Variants in SYCP2 observed in about 807,000 individuals in gnomAD.
SYCP2 encodes the protein synaptonemal complex protein 2.
In SYCP2, 55 loss-of-function variants were observed where a neutral mutation model predicts 211.3. The observed-to-expected ratio is 0.26, with a 90% confidence interval of 0.21 to 0.33. The LOEUF (loss-of-function observed/expected upper bound fraction) is 0.33. Among genes scored for constraint, SYCP2 ranks in the 10% least tolerant of loss-of-function variants. The pLI is 1.00. For synonymous variants in SYCP2, 570 were observed against 555.2 expected (o/e 1.03, Z -0.37); for missense variants, 1,731 against 1,752.0 (o/e 0.99, Z 0.21).
chr20:59,921,377 A>G lies in SYCP2; in HGVS notation c.101T>C (p.Ile34Thr). The G allele has an allele frequency of 2.5e-6, 4 of 1,608,064 alleles. No homozygotes were observed. Among genetic ancestry groups the G allele is most frequent in the Admixed American group, 1.7e-5 (1 of 59,376 alleles). ...GCATTTAATCTTCACATCTTCACAA[A>G]TATCAATTTGCAAAAGTGTTTTCAA... ...KPLKTLLQIDICEDVKIKCSK... is the reference protein window; with the variant it reads ...KPLKTLLQIDTCEDVKIKCSK... The change falls in exon 4 of 45, where the codon ATT becomes ACT. Residue 34 changes from isoleucine to threonine, a missense_variant. Physicochemically the swap from Ile to Thr is moderately conservative, Grantham distance 89. Coordinates refer to ENST00000357552, the MANE Select transcript of SYCP2 (RefSeq NM_014258.4).
At chr20:59,881,656 AAATAG>A (rs1005793839) in intron 28 of SYCP2, among the ~76,000 whole-genome samples, 164 bp from the exon 29 acceptor site, 17 of 151,328 alleles carry the variant, frequency 1.1e-4, no homozygotes, top group Admixed American at 2.6e-4. Flanking sequence ...AATACACTAA[AAATAG>A]AATAGTTTTT....
At chr20:59,901,921 A>G in intron 15 of SYCP2, 111 bp from the exon 16 acceptor site, 1 of 829,906 alleles carries the variant, frequency 1.2e-6, no homozygotes, top group East Asian at 2.8e-5. Context: ...TCAAATTCTC[A>G]ATATTGAACA....
chr20:59,890,875 T>A (rs1436072719), intron 24 of SYCP2, among the ~76,000 whole-genome samples: 1 of 151,884 alleles, frequency 6.6e-6, no homozygotes, highest in Non-Finnish European at 1.5e-5. Context: ...AGAACCTTAT[T>A]TCCCCTGGGA....
In SYCP2 at chr20:59,869,997, C is replaced by A. The variant is rs762826247; in HGVS notation, c.3556-14G>T. On this transcript the variant is annotated splice_polypyrimidine_tract_variant and intron_variant, in intron 35 of 44. Transcript: ENST00000357552. ...AGTATGTCTGGGCTATGAATGAAGA[C>A]ATACAAAAACCCAATAAGAAGTTAC... 1 of 1,523,996 alleles carries A rather than the reference C, an allele frequency of 6.6e-7. No individual in the cohort carries two copies. The highest frequency in any genetic ancestry group is 1.9e-5 in the Admixed American group (1 of 53,302). The allele number at this position is 1,523,996 out of a possible 1,614,324, so 94.4% of individuals were successfully genotyped here. A position where few individuals can be genotyped will look rare whatever the true frequency, so the allele number is the denominator to read the frequency against.
intron 42 of SYCP2, 71 bp downstream of exon 42, chr20:59,865,736 T>A: frequency 9.2e-7 from 1 of 1,092,820 alleles, no homozygotes; most frequent in Non-Finnish European, 1.2e-6. Context: ...AATTTTAATT[T>A]TTCAAATAGA....
In SYCP2 at chr20:59,916,710, T is replaced by C. The variant is rs902946909; in HGVS notation, c.428-139A>G. On this transcript the variant is annotated intron_variant, in intron 7 of 44. Transcript: ENST00000357552. ...ATCCTAGCACTTTGGAAGGCCCAGATAGGTAGACTGCTTGAGCCCAGGAGT... is the reference window on the plus strand; with the variant it reads ...ATCCTAGCACTTTGGAAGGCCCAGACAGGTAGACTGCTTGAGCCCAGGAGT... 5.8e-5 allele frequency: 33 copies of C among 569,140 alleles called. No homozygotes were observed. The African/African-American group carries it at 6.0e-4, about 10-fold the overall frequency. 35.3% of individuals were successfully genotyped at this position (569,140 alleles called of 1,614,324 possible). A position where few individuals can be genotyped will look rare whatever the true frequency, so the allele number is the denominator to read the frequency against.
chr20:59,910,384 T>TA (rs1034977046), intron 14 of SYCP2, among the ~76,000 whole-genome samples: 3 of 133,346 alleles, frequency 2.2e-5, no homozygotes, highest in Non-Finnish European at 3.2e-5. Context: ...ATTTTTTTTT[T>TA]TTTTTTTTTT....
intron 17 of SYCP2, 53 bp downstream of exon 17, chr20:59,900,691 A>T: frequency 7.3e-7 from 1 of 1,365,808 alleles, no homozygotes; most frequent in Non-Finnish European, 1.0e-6. Flanking sequence ...CTGTTCCATT[A>T]GTTATGGTTA....
intron 3 of SYCP2, among the ~76,000 whole-genome samples, chr20:59,921,941 C>G (rs1394207285): frequency 6.6e-6 from 1 of 151,524 alleles, no homozygotes; most frequent in Non-Finnish European, 1.5e-5. Flanking sequence ...TTATTAAAAT[C>G]TGCCATCCTT....
chr20:59,911,907 G>T, intron 13 of SYCP2, 62 bp from the exon 14 acceptor site: 1 of 781,550 alleles, frequency 1.3e-6, no homozygotes. Flanking sequence ...AGACAATTAT[G>T]ATGTTATATT....
intron 30 of SYCP2, 41 bp from the exon 31 acceptor site, chr20:59,880,512 C>A (rs769906324): frequency 2.6e-5 from 31 of 1,211,120 alleles, no homozygotes; most frequent in Non-Finnish European, 9.1e-6. Context: ...AATACTACAT[C>A]TCATTATGTC....
chr20:59,881,314 G>A (rs1358507574), intron 29 of SYCP2, 123 bp downstream of exon 29: 5 of 627,124 alleles, frequency 8.0e-6, no homozygotes, highest in South Asian at 2.0e-5. Context: ...GAATCATAAT[G>A]AGAGTAATAA....
chr20:59,925,974 T>C (rs554225966), intron 2 of SYCP2, among the ~76,000 whole-genome samples: 217 of 152,180 alleles, frequency 1.4e-3, no homozygotes, highest in African/African-American at 5.0e-3. Flanking sequence ...TGTTTGTCTA[T>C]AGGCTCAGAA....
Position 59,919,483 on chromosome 20 carries a change from T to C in SYCP2, c.402+10A>G. On this transcript the variant is annotated intron_variant, in intron 6 of 44. Transcript: ENST00000357552. ...TTTATAAATATCAGTGTAATCAATG[T>C]GATTTTTACCAGCAGAAGATCAACT... 6.5e-7 allele frequency: 1 copy of C among 1,527,432 alleles called. No individual in the cohort carries two copies. The highest frequency in any genetic ancestry group is 9.0e-7 in the Non-Finnish European group (1 of 1,105,472). 94.6% of individuals were successfully genotyped at this position (1,527,432 alleles called of 1,614,324 possible). A position where few individuals can be genotyped will look rare whatever the true frequency, so the allele number is the denominator to read the frequency against.
chr20:59,900,790 A>G lies in SYCP2; in HGVS notation c.1211T>C (p.Val404Ala), dbSNP rs769761954. The G allele has an allele frequency of 3.8e-5, 62 of 1,612,484 alleles. No individual in the cohort carries two copies. The South Asian group carries it at 6.4e-4, about 17-fold the overall frequency. ...AAGTATATGCAGCGACGTTTTGGCAACTGAAATACCTTGTTTTCTGATAGA... is the reference window on the plus strand; with the variant it reads ...AAGTATATGCAGCGACGTTTTGGCAGCTGAAATACCTTGTTTTCTGATAGA... ...RESIRKQGIS[V>A]AKTSLHILFD... is the part of the protein sequence containing the mutation. Residue 404 changes from valine to alanine, a missense_variant, in exon 17 of 45, where the codon GTT (valine) becomes GCT (alanine). Val to Ala is a moderately conservative substitution (Grantham distance 64, BLOSUM62 0). Transcript: ENST00000357552.
In SYCP2 at chr20:59,892,232, T is replaced by C. The variant is rs1346846131; in HGVS notation, c.2122A>G (p.Thr708Ala). ...CAATCACTCTGCTTGGCATTTTCAG[T>C]ATTTTTCTGCCCTGAATATTTAGGA... is the stretch of plus-strand genomic sequence containing the variant. ...NHPKYSGQKN[T>A]ENAKQSDWPV... Residue 708 changes from threonine to alanine, a missense_variant, in exon 24 of 45, where the codon ACT (threonine) becomes GCT (alanine). Physicochemically the swap from Thr to Ala is moderately conservative, Grantham distance 58 (BLOSUM62 0). Around this residue, in one of 3 missense-constraint regions of SYCP2, gnomAD observed 1,387 missense variants for 1,351.3 expected, o/e 1.03. Transcript: ENST00000357552. The C allele has an allele frequency of 6.2e-7, 1 of 1,612,904 alleles. No individual in the cohort carries two copies. Among genetic ancestry groups the C allele is most frequent in the African/African-American group, 1.3e-5 (1 of 74,964 alleles).
chr20:59,918,332 A>C (rs2060480881), intron 7 of SYCP2, among the ~76,000 whole-genome samples: 1 of 152,228 alleles, frequency 6.6e-6, no homozygotes, highest in South Asian at 2.1e-4. Flanking sequence ...AGGTGATCTG[A>C]AAGGCAAGCA....
chr20:59,904,243 G>A (rs1455946912), intron 15 of SYCP2, among the ~76,000 whole-genome samples: 1 of 152,080 alleles, frequency 6.6e-6, no homozygotes, highest in Non-Finnish European at 1.5e-5. Flanking sequence ...CCTGATACAG[G>A]TATCATCCTC....
At chr20:59,932,693 A>C (rs1242887622) in intron 1 of SYCP2, among the ~76,000 whole-genome samples, 1 of 152,088 alleles carries the variant, frequency 6.6e-6, no homozygotes, top group East Asian at 1.9e-4. Context: ...AACAACAAAA[A>C]AAAACCACGC....
Sources: allele counts gnomAD v4.1 joint callset (sites outside exome capture counted in the v4.1 genomes callset), GRCh38; gene constraint gnomAD v4.1.1; regional missense constraint gnomAD v4.1.1; transcripts MANE v1.5; gene names NCBI Gene and HGNC (gene_info 2026-07-23, HGNC 2026-07-21).